PAPLN: variants seen among roughly 807,000 people sequenced by gnomAD.
The protein encoded by PAPLN is papilin.
PAPLN carries 146 observed loss-of-function variants against 159.0 expected under a neutral mutation model. The observed-to-expected ratio is 0.92, with a 90% confidence interval of 0.80 to 1.05. The LOEUF (loss-of-function observed/expected upper bound fraction) is 1.05. Ranked by LOEUF, PAPLN falls within the 50% of genes least tolerant of loss-of-function variation. PAPLN has a pLI of 0.00. For missense variants in PAPLN, 1,720 were observed against 1,743.9 expected (o/e 0.99, Z 0.24); for synonymous variants, 734 against 702.9 (o/e 1.04, Z -0.70).
At position 73,252,145 on chromosome 14, in the gene PAPLN, C is replaced by T. The variant is rs370010093; in HGVS notation, c.967+4C>T. The T allele has an allele frequency of 1.9e-5, 31 of 1,594,178 alleles. No homozygotes were observed. In the East Asian group the frequency reaches 2.3e-4, roughly 12 times the overall value. ...TGCAGCGCGGAGTGTGGCGGAGGTGCGGGCGTGGATGGCCCAGGGGAGGGC... is the reference window on the plus strand; with the variant it reads ...TGCAGCGCGGAGTGTGGCGGAGGTGTGGGCGTGGATGGCCCAGGGGAGGGC... On this transcript the variant is annotated splice_donor_region_variant and intron_variant, in intron 10 of 26. Transcript: ENST00000644200.
At chr14:73,263,426 T>G in intron 19 of PAPLN, 1 of 607,030 alleles carries the variant, frequency 1.6e-6, no homozygotes, top group Non-Finnish European at 2.9e-6. Flanking sequence ...CAAGAACAGG[T>G]TGAGGCAGTG....
In PAPLN at chr14:73,254,546, C is replaced by T. The variant is rs748242199; in HGVS notation, c.1336C>T (p.Arg446Trp). The T allele has an allele frequency of 5.3e-5, 86 of 1,613,922 alleles. No homozygotes were observed. The highest frequency in any genetic ancestry group is 1.8e-4 in the Admixed American group (11 of 59,996). The change falls in exon 13 of 27, where the codon CGG becomes TGG. Residue 446 changes from arginine to tryptophan, a missense_variant. Physicochemically the swap from Arg to Trp is moderately radical, Grantham distance 101 (BLOSUM62 -3). Transcript: ENST00000644200. ...SVSCGVGVRKRSVTCRGERGS... is the reference protein window; with the variant it reads ...SVSCGVGVRKWSVTCRGERGS... ...CAGTTGTGGCGTTGGCGTCCGGAAG[C>T]GGAGCGTTACTTGCCGGGGTGAAAG...
rs915241596 is a variant in PAPLN, at chr14:73,237,508, G to A, written c.-91G>A. On this transcript the variant is annotated 5_prime_UTR_variant, in exon 1 of 27. Coordinates refer to ENST00000644200, the MANE Select transcript of PAPLN (RefSeq NM_001365906.3). ...TCCCACCCCTGCGGGCGTTCCTTGC[G>A]GCCCGGCCGACCTCGCGGGCTTGGG... is the stretch of plus-strand genomic sequence containing the variant. 6.6e-6 allele frequency: 1 copy of A among 152,358 alleles called. No individual in the cohort carries two copies. Among genetic ancestry groups the A allele is most frequent in the Admixed American group, 6.5e-5 (1 of 15,284 alleles). 9.4% of individuals were successfully genotyped at this position (152,358 alleles called of 1,614,324 possible). A position where few individuals can be genotyped will look rare whatever the true frequency, so the allele number is the denominator to read the frequency against.
chr14:73,253,367 C>T (rs1363316315), intron 11 of PAPLN: 7 of 766,424 alleles, frequency 9.1e-6, no homozygotes, highest in Non-Finnish European at 1.2e-5. Flanking sequence ...TGGGTCCTTG[C>T]ACCCGGGGCC....
intron 12 of PAPLN, among the ~76,000 whole-genome samples, chr14:73,254,166 A>G (rs1471734790): frequency 1.3e-5 from 2 of 152,170 alleles, no homozygotes; most frequent in African/African-American, 4.8e-5. Context: ...CCAGGATCCC[A>G]GGGCAGGGCA....
At position 73,252,756 on chromosome 14, in the gene PAPLN, C is replaced by T. The variant is rs775972801; in HGVS notation, c.1075C>T (p.Pro359Ser). The T allele has an allele frequency of 6.2e-7, 1 of 1,613,538 alleles. No individual in the cohort carries two copies. Among genetic ancestry groups the T allele is most frequent in the East Asian group, 2.2e-5 (1 of 44,880 alleles). Reference sequence around the variant, plus strand: ...TGACCGGCGTTCCTGCAATCTTCACCCTTGCCCGGAGACCAAGCGGTGAGA... The same window carrying T: ...TGACCGGCGTTCCTGCAATCTTCACTCTTGCCCGGAGACCAAGCGGTGAGA... ...PADRRSCNLH[P>S]CPETKRWKAG... Residue 359 changes from proline (P) to serine (S), a missense_variant, in exon 11 of 27, where the codon CCT (proline) becomes TCT (serine). Coordinates refer to ENST00000644200, the MANE Select transcript of PAPLN (RefSeq NM_001365906.3).
chr14:73,252,312 TGGG>T (rs1885376237), intron 10 of PAPLN, among the ~76,000 whole-genome samples, 171 bp downstream of exon 10: 1 of 152,102 alleles, frequency 6.6e-6, no homozygotes, highest in Non-Finnish European at 1.5e-5. Context: ...CCCAGGGATC[TGGG>T]GGACTCCATG....
chr14:73,236,913 G>C (rs540889557), upstream of PAPLN, among the ~76,000 whole-genome samples: 227 of 144,532 alleles, frequency 1.6e-3, 2 homozygotes, highest in African/African-American at 5.6e-3. Flanking sequence ...AAAGAGGAAG[G>C]GAGGGAGGGA....
chr14:73,263,919 A>G lies in PAPLN; in HGVS notation c.2861+137A>G, dbSNP rs540099043. Reference sequence around the variant, plus strand: ...TCCTCCTTTGACAGGTGTGTGTGACAGCCCCCCTACCCCCTCTGACAGGTG... The same window carrying G: ...TCCTCCTTTGACAGGTGTGTGTGACGGCCCCCCTACCCCCTCTGACAGGTG... On this transcript the variant is annotated intron_variant, in intron 20 of 26. Coordinates refer to ENST00000644200, the MANE Select transcript of PAPLN (RefSeq NM_001365906.3). 1.1e-3 allele frequency: 914 copies of G among 828,970 alleles called. 2 individuals carry two copies. The highest frequency in any genetic ancestry group is 6.5e-3 in the East Asian group (162 of 24,792). The allele number at this position is 828,970 out of a possible 1,614,324, so 51.4% of individuals were successfully genotyped here. A position where few individuals can be genotyped will look rare whatever the true frequency, so the allele number is the denominator to read the frequency against.
chr14:73,253,480 C>G (rs1885536492), intron 11 of PAPLN, among the ~76,000 whole-genome samples: 1 of 148,436 alleles, frequency 6.7e-6, no homozygotes, highest in African/African-American at 2.5e-5. Flanking sequence ...AGACAGGGAC[C>G]TGGTGGGAAG....
intron 1 of PAPLN, among the ~76,000 whole-genome samples, chr14:73,238,418 G>A (rs1327379279): frequency 6.6e-6 from 1 of 152,270 alleles, no homozygotes; most frequent in Non-Finnish European, 1.5e-5. Flanking sequence ...TGGAGTTGAA[G>A]GGGTTGTTTG....
intron 5 of PAPLN, 178 bp from the exon 6 acceptor site, chr14:73,249,806 T>A: frequency 3.9e-6 from 2 of 514,946 alleles, no homozygotes; most frequent in Non-Finnish European, 6.1e-6. Context: ...TCCTTAGAGG[T>A]GCAACAGATT....
chr14:73,245,987 T>A lies in PAPLN; in HGVS notation c.232-86T>A. The A allele has an allele frequency of 7.6e-7, 1 of 1,323,546 alleles. No homozygotes were observed. The highest frequency in any genetic ancestry group is 1.5e-5 in the South Asian group (1 of 67,326). 82.0% of individuals were successfully genotyped at this position (1,323,546 alleles called of 1,614,324 possible). A position where few individuals can be genotyped will look rare whatever the true frequency, so the allele number is the denominator to read the frequency against. On this transcript the variant is annotated intron_variant, in intron 4 of 26. Coordinates refer to ENST00000644200, the MANE Select transcript of PAPLN (RefSeq NM_001365906.3). The surrounding 1 kb of genome is among the most constrained non-coding windows in gnomAD (Gnocchi z 4.2). ...CGATGGGGCAGGCAAGGGAGACTCC[T>A]GGGCTCCCTGGGCTCGGGCGGGGCG...
intron 5 of PAPLN, 64 bp from the exon 6 acceptor site, chr14:73,249,920 T>C: frequency 6.6e-7 from 1 of 1,520,808 alleles, no homozygotes; most frequent in Non-Finnish European, 8.8e-7. Context: ...AGGGTAAGCC[T>C]TGGGTCTTGG....
Position 73,253,852 on chromosome 14 carries a change from A to G in PAPLN, c.1193A>G (p.Gln398Arg). The change falls in exon 12 of 27, where the codon CAG becomes CGG. Residue 398 changes from glutamine (Q) to arginine (R), a missense_variant. By Grantham distance (43) the Gln-to-Arg change is conservative. Coordinates refer to ENST00000644200, the MANE Select transcript of PAPLN (RefSeq NM_001365906.3). ...ATCTCGTCTGACGGGGCCGGCATCC[A>G]GGAGGCCGTGGAGGAGGCTGAGTGT... is the stretch of plus-strand genomic sequence containing the variant. ...YCISSDGAGIQEAVEEAECAG... is the reference protein window; with the variant it reads ...YCISSDGAGIREAVEEAECAG... 6.2e-7 allele frequency: 1 copy of G among 1,613,658 alleles called. No individual in the cohort carries two copies. The highest frequency in any genetic ancestry group is 8.5e-7 in the Non-Finnish European group (1 of 1,179,962).
chr14:73,268,809 AC>A, intron 26 of PAPLN, 86 bp downstream of exon 26: 1 of 1,410,810 alleles, frequency 7.1e-7, no homozygotes, highest in Non-Finnish European at 9.3e-7. Context: ...AGTCTGAGGG[AC>A]TCTGGTTTGA....
chr14:73,250,578 G>T (rs962930821), intron 6 of PAPLN, among the ~76,000 whole-genome samples: 1 of 152,154 alleles, frequency 6.6e-6, no homozygotes. Context: ...GCCACCGGGG[G>T]TTGTCTCTGA....
intron 5 of PAPLN, among the ~76,000 whole-genome samples, chr14:73,247,093 C>T (rs544661201): frequency 6.6e-6 from 1 of 152,116 alleles, no homozygotes; most frequent in Non-Finnish European, 1.5e-5. Flanking sequence ...GCGTTCCTCC[C>T]GTCGCACAGA....
chr14:73,273,589 C>CCAT lies in PAPLN; in HGVS notation c.*928_*930dup, dbSNP rs1887925835. On this transcript the variant is annotated 3_prime_UTR_variant, in exon 27 of 27. Transcript: ENST00000644200. ...AGAGGTGTGAGCCACTGTGCCCAGC[C>CCAT]CATCAATGTGTTTTAAAGCTAGCTG... 6.6e-6 allele frequency: 1 copy of CCAT among 152,194 alleles called. No homozygotes were observed. The highest frequency in any genetic ancestry group is 1.5e-5 in the Non-Finnish European group (1 of 68,054). 9.4% of individuals were successfully genotyped at this position (152,194 alleles called of 1,614,324 possible). A position where few individuals can be genotyped will look rare whatever the true frequency, so the allele number is the denominator to read the frequency against.
Sources: gnomAD v4.1 joint callset for allele counts (sites outside exome capture counted in the v4.1 genomes callset) on GRCh38, gnomAD v4.1.1 for gene constraint, Gnocchi (gnomAD v3.1) non-coding constraint, MANE v1.5 for transcripts, NCBI Gene and HGNC (gene_info 2026-07-23, HGNC 2026-07-21) for gene names.